The following PCCA variants were observed in gnomAD, a reference collection of about 807,000 sequenced individuals.
PCCA encodes propionyl-CoA carboxylase alpha chain, mitochondrial.
Under a neutral mutation model 101.3 loss-of-function variants are expected in PCCA, and 74 were observed. That is an observed-to-expected ratio of 0.73 (90% CI 0.61 to 0.89). The LOEUF is 0.89. Among genes scored for constraint, PCCA ranks in the 40% least tolerant of loss-of-function variants. The pLI is 0.00. For missense variants in PCCA, 891 were observed against 907.0 expected, an observed-to-expected ratio of 0.98 and a Z score of 0.23; for synonymous variants, 294 against 313.6, an observed-to-expected ratio of 0.94 and a Z score of 0.66.
chr13:100,419,481 AAAAAG>A (rs1003350683), intron 19 of PCCA, among the ~76,000 whole-genome samples: 27 of 152,208 alleles, frequency 1.8e-4, no homozygotes, highest in South Asian at 4.1e-4. Flanking sequence ...CAAAAAAAAA[AAAAAG>A]AAAAGAAAAG....
chr13:100,525,776 C>G (rs1384040058), intron 22 of PCCA, among the ~76,000 whole-genome samples: 1 of 152,198 alleles, frequency 6.6e-6, no homozygotes, highest in Non-Finnish European at 1.5e-5. Flanking sequence ...GGACGGGGCT[C>G]TGGCCAGTCC....
At chr13:100,329,269 A>G (rs2069180631) in intron 16 of PCCA, among the ~76,000 whole-genome samples, 1 of 152,092 alleles carries the variant, frequency 6.6e-6, no homozygotes, top group African/African-American at 2.4e-5. Flanking sequence ...AATCTGAGCA[A>G]TTTTCTTATT....
At chr13:100,265,602 A>G (rs2062878693) in intron 10 of PCCA, among the ~76,000 whole-genome samples, 1 of 151,078 alleles carries the variant, frequency 6.6e-6, no homozygotes, top group African/African-American at 2.4e-5. Flanking sequence ...CTCTACCTCC[A>G]CTCCCACACA....
chr13:100,389,652 C>T (rs1470151720), intron 19 of PCCA, among the ~76,000 whole-genome samples: 1 of 152,078 alleles, frequency 6.6e-6, no homozygotes, highest in African/African-American at 2.4e-5. Flanking sequence ...AACACACACA[C>T]ACCAAAAAAA....
At chr13:100,247,515 CTTTTT>C (rs147450398) in intron 8 of PCCA, among the ~76,000 whole-genome samples, 1 of 123,670 alleles carries the variant, frequency 8.1e-6, no homozygotes. Flanking sequence ...CGTGCCCGGC[CTTTTT>C]TTTTTTTTTT....
intron 21 of PCCA, among the ~76,000 whole-genome samples, chr13:100,458,360 C>CCACACA (rs2081914304): frequency 1.8e-5 from 1 of 56,570 alleles, no homozygotes; most frequent in Non-Finnish European, 3.3e-5. Context: ...GACCCCATCT[C>CCACACA]TACACACACA....
At chr13:100,337,365 C>T (rs1297258054) in intron 17 of PCCA, among the ~76,000 whole-genome samples, 3 of 152,314 alleles carry the variant, frequency 2.0e-5, no homozygotes, top group East Asian at 3.9e-4. Context: ...CTACCACCCC[C>T]AGAGGGCAAA....
chr13:100,247,919 A>G (rs1264803084), intron 8 of PCCA, among the ~76,000 whole-genome samples: 1 of 152,154 alleles, frequency 6.6e-6, no homozygotes, highest in Admixed American at 6.5e-5. Flanking sequence ...TAATAGGTGT[A>G]TTACAGTGTA....
chr13:100,283,641 A>C (rs1484762826), intron 12 of PCCA, among the ~76,000 whole-genome samples: 3 of 152,176 alleles, frequency 2.0e-5, no homozygotes, highest in African/African-American at 4.8e-5. Flanking sequence ...AGGCATTATT[A>C]AACCTGGCAA....
At chr13:100,192,830 G>C (rs915200653) in intron 6 of PCCA, among the ~76,000 whole-genome samples, 2 of 152,106 alleles carry the variant, frequency 1.3e-5, no homozygotes, top group African/African-American at 4.8e-5. Context: ...TTGTGAAGCC[G>C]TCCTTGATTC....
intron 18 of PCCA, among the ~76,000 whole-genome samples, chr13:100,348,775 T>TTC (rs1566976345): frequency 2.2e-3 from 194 of 90,106 alleles, no homozygotes; most frequent in Non-Finnish European, 2.9e-3. Flanking sequence ...TTTCTTTCTT[T>TTC]CTTTCTTTCT....
At chr13:100,174,035 G>A (rs2055986777) in intron 6 of PCCA, among the ~76,000 whole-genome samples, 1 of 151,990 alleles carries the variant, frequency 6.6e-6, no homozygotes, top group Non-Finnish European at 1.5e-5. Context: ...CTTCATAGCA[G>A]TATGAAAATG....
At chr13:100,292,202 A>C (rs1342771493) in intron 12 of PCCA, among the ~76,000 whole-genome samples, 2 of 152,226 alleles carry the variant, frequency 1.3e-5, no homozygotes, top group Non-Finnish European at 2.9e-5. Flanking sequence ...TTAGTGAGAA[A>C]TTCAGTGAGA....
In PCCA at chr13:100,454,173, C is replaced by CA. The variant is rs547441392; in HGVS notation, c.1899+4879dup. 3.7e-3 allele frequency among the ~76,000 whole-genome samples: 503 copies of CA among 137,540 alleles called. 2 individuals carry two copies. Among genetic ancestry groups the CA allele is most frequent in the South Asian group, 0.025 (106 of 4,310 alleles). 90.2% of individuals were successfully genotyped at this position (137,540 alleles called of 152,430 possible). On this transcript the variant is annotated intron_variant, in intron 21 of 23. Coordinates refer to ENST00000376285, the MANE Select transcript of PCCA (RefSeq NM_000282.4). Reference sequence around the variant, plus strand: ...ACAGGCGTGAGCCACCGCACCTGGCCAAAAAAAAAAAGAATTTCATGTAGC... The same window carrying CA: ...ACAGGCGTGAGCCACCGCACCTGGCCAAAAAAAAAAAAGAATTTCATGTAGC...
At position 100,426,891 on chromosome 13, in the gene PCCA, A is replaced by T. The variant is rs2079182959; in HGVS notation, c.1845+1160A>T. Among the ~76,000 whole-genome samples the T allele has an allele frequency of 6.6e-5, 10 of 152,324 alleles. No individual in the cohort carries two copies. The South Asian group carries it at 2.1e-3, about 32-fold the overall frequency. On this transcript the variant is annotated intron_variant, in intron 20 of 23. Transcript: ENST00000376285. Reference sequence around the variant, plus strand: ...AAAAAATATCACTACATAATTTCACATTACTTAGATCCATGTATTATTATG... The same window carrying T: ...AAAAAATATCACTACATAATTTCACTTTACTTAGATCCATGTATTATTATG...
intron 20 of PCCA, among the ~76,000 whole-genome samples, chr13:100,429,118 G>T (rs531105477): frequency 6.6e-6 from 1 of 152,086 alleles, no homozygotes; most frequent in South Asian, 2.1e-4. Flanking sequence ...TGTGCAGAAG[G>T]GATCTGCAAG....
chr13:100,280,128 C>T (rs527623411), intron 12 of PCCA, among the ~76,000 whole-genome samples: 16 of 151,890 alleles, frequency 1.1e-4, no homozygotes, highest in African/African-American at 3.4e-4. Flanking sequence ...AGAAAGTCAC[C>T]GCGTTTGGTG....
intron 23 of PCCA, among the ~76,000 whole-genome samples, chr13:100,529,648 C>T (rs888384372): frequency 2.0e-5 from 3 of 152,176 alleles, no homozygotes; most frequent in African/African-American, 7.2e-5. Context: ...AGCAGCTGAT[C>T]TGACTGTCGT....
chr13:100,255,077 C>A (rs1196280146), intron 8 of PCCA, among the ~76,000 whole-genome samples: 1 of 151,770 alleles, frequency 6.6e-6, no homozygotes, highest in East Asian at 1.9e-4. Context: ...AGAGCGAGAC[C>A]AAAAACAAAA....
Sources: allele counts gnomAD v4.1 joint callset (sites outside exome capture counted in the v4.1 genomes callset), GRCh38; gene constraint gnomAD v4.1.1; transcripts MANE v1.5; gene names NCBI Gene and HGNC (gene_info 2026-07-23, HGNC 2026-07-21).